The following CHID1 variants were observed in gnomAD, a reference collection of about 807,000 sequenced individuals.
The protein encoded by CHID1 is chitinase domain containing 1.
In CHID1, 44 loss-of-function variants were observed where a neutral mutation model predicts 55.4. The observed-to-expected ratio is 0.79, with a 90% confidence interval of 0.62 to 1.02. CHID1 has a LOEUF of 1.02. Among genes scored for constraint, CHID1 ranks in the 50% least tolerant of loss-of-function variants. The pLI is 0.00. For synonymous variants in CHID1, 216 were observed against 212.9 expected (o/e 1.01, Z -0.13); for missense variants, 491 against 515.3 (o/e 0.95, Z 0.46).
chr11:883,072 CA>C (rs1850116049), intron 10 of CHID1, 75 bp downstream of exon 10: 4 of 1,461,360 alleles, frequency 2.7e-6, no homozygotes, highest in Non-Finnish European at 3.7e-6. Context: ...CCCTCCCCAT[CA>C]CTCTGTCTCC....
chr11:904,959 G>A (rs993206326), intron 1 of CHID1, 100 bp from the exon 2 acceptor site: 1 of 1,328,538 alleles, frequency 7.5e-7, no homozygotes, highest in Non-Finnish European at 1.0e-6. Context: ...TAGGGCCTGG[G>A]TCCTCATGGC....
chr11:903,173 C>A, intron 2 of CHID1, 62 bp from the exon 3 acceptor site: 1 of 1,541,370 alleles, frequency 6.5e-7, no homozygotes, highest in South Asian at 1.1e-5. Flanking sequence ...AGCACAGAGC[C>A]CCACCCAGCA....
chr11:904,800 T>G lies in CHID1; in HGVS notation c.17A>C (p.Asn6Thr), dbSNP rs1335323453. 6.2e-7 allele frequency: 1 copy of G among 1,613,698 alleles called. No individual in the cohort carries two copies. Reference sequence around the variant, plus strand: ...GCAGGCCAGGGCAAGCCAGAGGAGGTTGAAGAGTGTCCGCATGGTAGGTGT... The same window carrying G: ...GCAGGCCAGGGCAAGCCAGAGGAGGGTGAAGAGTGTCCGCATGGTAGGTGT... MRTLFNLLWLALACSP... is the reference protein window; with the variant it reads MRTLFTLLWLALACSP... The change falls in exon 2 of 13, where the codon AAC (asparagine) becomes ACC (threonine). Residue 6 changes from asparagine to threonine, a missense_variant. Transcript: ENST00000323578.
At chr11:881,233 CA>C (rs775855250) in intron 10 of CHID1, among the ~76,000 whole-genome samples, 11 of 150,684 alleles carry the variant, frequency 7.3e-5, no homozygotes, top group Non-Finnish European at 8.9e-5. Flanking sequence ...CGCTTGAGCC[CA>C]GGAGTTCAAG....
At chr11:904,993 G>C (rs1001879865) in intron 1 of CHID1, 134 bp from the exon 2 acceptor site, 9 of 975,646 alleles carry the variant, frequency 9.2e-6, no homozygotes, top group Admixed American at 2.2e-5. Context: ...TTGGCCACTG[G>C]GACAGAGCCC....
At chr11:914,084 T>G (rs1241615362), upstream of CHID1, among the ~76,000 whole-genome samples, 2 of 148,864 alleles carry the variant, frequency 1.3e-5, no homozygotes, top group Non-Finnish European at 3.0e-5. Flanking sequence ...AAAAAAAAAG[T>G]GACTGTAAAG....
chr11:889,436 C>T (rs952187704), intron 8 of CHID1, among the ~76,000 whole-genome samples: 1 of 152,128 alleles, frequency 6.6e-6, no homozygotes, highest in Non-Finnish European at 1.5e-5. Context: ...CCCCTCCCGC[C>T]GCCATCTGCT....
At chr11:898,162 A>G (rs556579418) in intron 7 of CHID1, among the ~76,000 whole-genome samples, 1 of 152,326 alleles carries the variant, frequency 6.6e-6, no homozygotes, top group African/African-American at 2.4e-5. Flanking sequence ...CTCTGCCTCA[A>G]CAATGTCCCT....
intron 1 of CHID1, among the ~76,000 whole-genome samples, chr11:906,925 C>T (rs1195840638): frequency 6.6e-6 from 1 of 151,986 alleles, no homozygotes; most frequent in Non-Finnish European, 1.5e-5. Flanking sequence ...CTTCTCGGGA[C>T]GCTGAGACAG....
upstream of CHID1, among the ~76,000 whole-genome samples, chr11:912,532 C>CCCGT (rs1374398237): frequency 2.0e-5 from 3 of 151,980 alleles, no homozygotes; most frequent in Non-Finnish European, 4.4e-5. Flanking sequence ...GCCAATGGGC[C>CCCGT]CCGTGTACCT....
chr11:888,281 G>A (rs1850545754), intron 8 of CHID1, among the ~76,000 whole-genome samples: 1 of 152,232 alleles, frequency 6.6e-6, no homozygotes. Context: ...GGTGATCAGT[G>A]GGAGAAAGAG....
rs554583591 is a variant in CHID1 at position 889,690 on chromosome 11, C to A, written c.701+3737G>T. On this transcript the variant is annotated intron_variant, in intron 8 of 12. Coordinates refer to ENST00000323578, the MANE Select transcript of CHID1 (RefSeq NM_023947.4). Reference sequence around the variant, plus strand: ...TAGTTGCCACCTGCAGAGCCAGGCCCCACAGCAGCCCTGAGGGAATGCCAG... The same window carrying A: ...TAGTTGCCACCTGCAGAGCCAGGCCACACAGCAGCCCTGAGGGAATGCCAG... 4.4e-4 allele frequency among the ~76,000 whole-genome samples: 67 copies of A among 152,314 alleles called. No homozygotes were observed. In the East Asian group the frequency reaches 0.012, roughly 26 times the overall value.
intron 5 of CHID1, 138 bp downstream of exon 5, chr11:900,798 C>T (rs1169086789): frequency 1.5e-6 from 1 of 673,034 alleles, no homozygotes; most frequent in African/African-American, 1.9e-5. Context: ...GGGCCAGCCT[C>T]ATCTCTGAGC....
chr11:913,633 CTTG>C, upstream of CHID1, among the ~76,000 whole-genome samples: 1 of 151,642 alleles, frequency 6.6e-6, no homozygotes, highest in African/African-American at 2.4e-5. Context: ...AGTAGCCGGG[CTTG>C]GTGATATGCA....
At chr11:891,233 C>T (rs916204941) in intron 8 of CHID1, among the ~76,000 whole-genome samples, 8 of 152,134 alleles carry the variant, frequency 5.3e-5, no homozygotes, top group Non-Finnish European at 1.0e-4. Flanking sequence ...TCCAGTGGAG[C>T]GGGCGCACAA....
chr11:872,328 T>C (rs1849234379), intron 10 of CHID1, among the ~76,000 whole-genome samples: 1 of 152,212 alleles, frequency 6.6e-6, no homozygotes, highest in South Asian at 2.1e-4. Flanking sequence ...CAGCTGGTTT[T>C]TGTATTTTTA....
intron 8 of CHID1, among the ~76,000 whole-genome samples, chr11:887,332 G>A (rs933030616): frequency 2.6e-5 from 4 of 152,122 alleles, no homozygotes; most frequent in Non-Finnish European, 5.9e-5. Context: ...GCAGCCCGTC[G>A]TTGCTTTCCC....
chr11:892,529 T>C (rs572332827), intron 8 of CHID1, among the ~76,000 whole-genome samples: 1 of 152,144 alleles, frequency 6.6e-6, no homozygotes, highest in East Asian at 1.9e-4. Context: ...GGGTCTTCCA[T>C]CAAAGGATCA....
upstream of CHID1, chr11:911,010 T>C (rs1225030513): frequency 6.2e-6 from 1 of 160,452 alleles, no homozygotes; most frequent in Non-Finnish European, 1.3e-5. Flanking sequence ...CGCGTTCACC[T>C]TGAGCGCCCC....
Sources: allele counts gnomAD v4.1 joint callset (sites outside exome capture counted in the v4.1 genomes callset), GRCh38; gene constraint gnomAD v4.1.1; transcripts MANE v1.5; gene names NCBI Gene and HGNC (gene_info 2026-07-23, HGNC 2026-07-21).